Variants in SSH2 observed in about 807,000 individuals in gnomAD.
The protein encoded by SSH2 is protein phosphatase Slingshot homolog 2.
Under a neutral mutation model 135.2 loss-of-function variants are expected in SSH2, and 37 were observed. The observed-to-expected ratio is 0.27, with a 90% CI of 0.21 to 0.36. The LOEUF (loss-of-function observed/expected upper bound fraction) is 0.36, where lower values mean the gene tolerates loss of function less well. SSH2 is among the 10% of genes least tolerant of loss of function. The probability of loss-of-function intolerance (pLI) is 1.00; values close to 1 mark genes in which losing one functional copy is unlikely to be tolerated. For synonymous variants in SSH2, 628 were observed against 646.2 expected, an observed-to-expected ratio of 0.97 and a Z score of 0.43; for missense variants, 1,408 against 1,765.3, an observed-to-expected ratio of 0.80 and a Z score of 3.63.
At chr17:29,891,462 G>A (rs2066348630) in intron 1 of SSH2, among the ~76,000 whole-genome samples, 1 of 151,626 alleles carries the variant, frequency 6.6e-6, no homozygotes, top group South Asian at 2.1e-4. Flanking sequence ...ATGAAAGAAA[G>A]AAGCAACAAA....
At chr17:29,840,803 C>T (rs2043027140) in intron 2 of SSH2, among the ~76,000 whole-genome samples, 1 of 152,296 alleles carries the variant, frequency 6.6e-6, no homozygotes, top group Non-Finnish European at 1.5e-5. Context: ...TAAGTTATCT[C>T]ATTTAATTCT....
At chr17:29,845,903 T>A (rs2043125175) in intron 2 of SSH2, among the ~76,000 whole-genome samples, 1 of 152,052 alleles carries the variant, frequency 6.6e-6, no homozygotes, top group Non-Finnish European at 1.5e-5. Flanking sequence ...AAAACTAAAG[T>A]TACCTTTTCC....
intron 3 of SSH2, among the ~76,000 whole-genome samples, chr17:29,714,795 C>G (rs76782590): frequency 0.034 from 5,138 of 152,178 alleles, 131 homozygotes; most frequent in African/African-American, 0.063. Context: ...CTTGTAATTC[C>G]CATGTGCTCA....
chr17:29,922,692 T>C (rs1362467748), intron 1 of SSH2, among the ~76,000 whole-genome samples: 1 of 152,250 alleles, frequency 6.6e-6, no homozygotes, highest in Non-Finnish European at 1.5e-5. Flanking sequence ...TGTGTGCTTA[T>C]AATCCCAGCT....
At chr17:29,741,517 A>C (rs894102902) in intron 3 of SSH2, among the ~76,000 whole-genome samples, 2 of 152,352 alleles carry the variant, frequency 1.3e-5, no homozygotes, top group South Asian at 2.1e-4. Flanking sequence ...AGGATATGAA[A>C]GAAATGCATT....
At chr17:29,649,010 G>A (rs769582154) in intron 13 of SSH2, among the ~76,000 whole-genome samples, 1 of 152,030 alleles carries the variant, frequency 6.6e-6, no homozygotes, top group Non-Finnish European at 1.5e-5. Flanking sequence ...GAGTGGTGGT[G>A]TGTGCCTGTA....
At chr17:29,751,412 G>C (rs921778219) in intron 3 of SSH2, among the ~76,000 whole-genome samples, 5 of 150,562 alleles carry the variant, frequency 3.3e-5, no homozygotes, top group African/African-American at 1.2e-4. Context: ...CGTAACTCCT[G>C]TCTCAAAAAA....
In SSH2 at chr17:29,630,729, T is replaced by C. The variant is rs749760850; in HGVS notation, c.*112A>G. The C allele has an allele frequency of 8.1e-7, 1 of 1,240,060 alleles. No homozygotes were observed. The highest frequency in any genetic ancestry group is 2.4e-5 in the Admixed American group (1 of 41,398). The allele number at this position is 1,240,060 out of a possible 1,614,324, so 76.8% of individuals were successfully genotyped here. On this transcript the variant is annotated 3_prime_UTR_variant, in exon 16 of 16. Coordinates refer to ENST00000540801, the MANE Select transcript of SSH2 (RefSeq NM_001282129.2). ...CAAACCCTGCATGCACCAGAAACAG[T>C]AAAATGACCAAAATATTATAAAATT...
intron 2 of SSH2, among the ~76,000 whole-genome samples, chr17:29,841,827 A>G (rs1446697544): frequency 6.6e-6 from 1 of 151,568 alleles, no homozygotes; most frequent in East Asian, 1.9e-4. Context: ...TCTGGGCTCA[A>G]GTGATCGTCC....
intron 1 of SSH2, among the ~76,000 whole-genome samples, chr17:29,920,160 C>A (rs548367777): frequency 6.6e-6 from 1 of 152,328 alleles, no homozygotes; most frequent in African/African-American, 2.4e-5. Flanking sequence ...CTCAGCCTCC[C>A]AAAGTGCTGG....
chr17:29,857,238 C>G (rs886695135), intron 1 of SSH2, among the ~76,000 whole-genome samples: 1 of 152,156 alleles, frequency 6.6e-6, no homozygotes, highest in Non-Finnish European at 1.5e-5. Context: ...GCTGGGGAAG[C>G]CTCACAATCA....
intron 5 of SSH2, among the ~76,000 whole-genome samples, chr17:29,687,788 G>A (rs2038286586): frequency 6.6e-6 from 1 of 152,138 alleles, no homozygotes; most frequent in Non-Finnish European, 1.5e-5. Context: ...AGAATTTCTG[G>A]CAAGGCTCAA....
rs566720559 is a variant in SSH2 at position 29,919,751 on chromosome 17, C to T, written c.63+10187G>A. Among the ~76,000 whole-genome samples, 21 of 125,182 alleles carry T rather than the reference C, an allele frequency of 1.7e-4. No homozygotes were observed. The South Asian group carries it at 5.8e-3, about 35-fold the overall frequency. 82.1% of individuals were successfully genotyped at this position (125,182 alleles called of 152,430 possible). ...CTAGGTTTACTGAATGGAAAAACTA[C>T]AGCTAGGTGTTTTTTTTTTTTAATG... On this transcript the variant is annotated intron_variant, in intron 1 of 15. Coordinates refer to ENST00000540801, the MANE Select transcript of SSH2 (RefSeq NM_001282129.2).
intron 1 of SSH2, among the ~76,000 whole-genome samples, chr17:29,900,812 A>C: frequency 6.6e-6 from 1 of 152,220 alleles, no homozygotes; most frequent in African/African-American, 2.4e-5. Flanking sequence ...TCATGCTGCT[A>C]TAAAGACACA....
intron 3 of SSH2, among the ~76,000 whole-genome samples, chr17:29,762,623 TAC>T (rs2041349440): frequency 1.3e-5 from 2 of 152,340 alleles, no homozygotes; most frequent in Admixed American, 6.5e-5. Flanking sequence ...CTGACGCCTT[TAC>T]AGTTTTAAGC....
intron 3 of SSH2, among the ~76,000 whole-genome samples, chr17:29,749,805 C>A (rs1422988766): frequency 1.3e-5 from 2 of 152,184 alleles, no homozygotes; most frequent in Non-Finnish European, 2.9e-5. Flanking sequence ...CGGCTCACTG[C>A]AATCTCTGCC....
intron 3 of SSH2, among the ~76,000 whole-genome samples, chr17:29,780,905 C>A (rs940035326): frequency 6.6e-6 from 1 of 151,802 alleles, no homozygotes; most frequent in Non-Finnish European, 1.5e-5. Context: ...CTCCGCCTCC[C>A]GGTTCACGCC....
chr17:29,650,901 G>T, intron 12 of SSH2, 101 bp from the exon 13 acceptor site: 1 of 911,192 alleles, frequency 1.1e-6, no homozygotes, highest in Non-Finnish European at 1.5e-6. Flanking sequence ...TCCATAGACT[G>T]AAATTAAATA....
At chr17:29,873,452 G>C (rs1187025282) in intron 1 of SSH2, among the ~76,000 whole-genome samples, 2 of 151,916 alleles carry the variant, frequency 1.3e-5, no homozygotes, top group Non-Finnish European at 2.9e-5. Context: ...CCAGCTGCTC[G>C]GGAGGCTGAG....
Sources: gnomAD v4.1 joint callset for allele counts (sites outside exome capture counted in the v4.1 genomes callset) on GRCh38, gnomAD v4.1.1 for gene constraint, MANE v1.5 for transcripts, NCBI Gene and HGNC (gene_info 2026-07-23, HGNC 2026-07-21) for gene names.